Variants in DENND5A observed in about 807,000 individuals in gnomAD.
The protein encoded by DENND5A is DENN domain-containing protein 5A.
Under a neutral mutation model 140.3 loss-of-function variants are expected in DENND5A, and 64 were observed. That is an observed-to-expected ratio of 0.46 (90% CI 0.37 to 0.56). DENND5A has a LOEUF of 0.56. Among genes scored for constraint, DENND5A ranks in the 20% least tolerant of loss-of-function variants. DENND5A has a pLI of 0.00. For missense variants in DENND5A, 1,292 were observed against 1,593.8 expected, an observed-to-expected ratio of 0.81 and a Z score of 3.22; for synonymous variants, 605 against 607.7, an observed-to-expected ratio of 1.00 and a Z score of 0.07.
chr11:9,264,482 C>G (rs368307474), intron 1 of DENND5A, among the ~76,000 whole-genome samples: 2 of 152,098 alleles, frequency 1.3e-5, no homozygotes, highest in Non-Finnish European at 2.9e-5. Flanking sequence ...ACTCAGGGGG[C>G]CCAGCCCAGG....
chr11:9,142,227 C>G (rs1306111620), intron 21 of DENND5A, 119 bp from the exon 22 acceptor site: 2 of 736,320 alleles, frequency 2.7e-6, no homozygotes, highest in East Asian at 2.8e-5. Context: ...GAGAATAGCA[C>G]AAGTGTTCTG....
At chr11:9,161,914 T>C (rs1847996849) in intron 11 of DENND5A, among the ~76,000 whole-genome samples, 1 of 151,210 alleles carries the variant, frequency 6.6e-6, no homozygotes, top group Non-Finnish European at 1.5e-5. Context: ...ATACGTAATA[T>C]AGCACTCTAT....
At position 9,152,409 on chromosome 11, in the gene DENND5A, A is replaced by G; in HGVS notation, c.2470T>C (p.Tyr824His). 1 of 1,613,928 alleles carries G rather than the reference A, an allele frequency of 6.2e-7. No individual in the cohort carries two copies. Among genetic ancestry groups the G allele is most frequent in the Non-Finnish European group, 8.5e-7 (1 of 1,179,806 alleles). Residue 824 changes from tyrosine to histidine, a missense_variant, in exon 13 of 23, where the codon TAT becomes CAT. Transcript: ENST00000328194. ...AGTTTTCTCTGCCGGTTGTCCTGAT[A>G]ATGTAACAGGTGGGACCATAAGGCT... Reference protein sequence around the residue: ...KSALWSHLLHYQDNRQRKLTS... With the variant: ...KSALWSHLLHHQDNRQRKLTS...
chr11:9,221,692 C>T (rs991005773), intron 1 of DENND5A, among the ~76,000 whole-genome samples: 75 of 150,296 alleles, frequency 5.0e-4, no homozygotes, highest in Non-Finnish European at 5.0e-4. Context: ...CTAGTTATTA[C>T]AAGGAAATCA....
Position 9,207,565 on chromosome 11 carries a change from A to G in DENND5A, c.177T>C (p.Thr59=). ...TCAATTTTGTTTTGTTTTTACCTTCAGTCGTACTTGAAATGAAAGGGCTGG... is the reference window on the plus strand; with the variant it reads ...TCAATTTTGTTTTGTTTTTACCTTCGGTCGTACTTGAAATGAAAGGGCTGG... ...DGASPFISST[T]EGENFEQTPL... is the part of the protein sequence containing the mutation. Residue 59 remains threonine, a synonymous_variant, in exon 2 of 23, where the codon ACT becomes ACC. Transcript: ENST00000328194. The G allele has an allele frequency of 6.2e-7, 1 of 1,612,424 alleles. No individual in the cohort carries two copies. Among genetic ancestry groups the G allele is most frequent in the Non-Finnish European group, 8.5e-7 (1 of 1,178,654 alleles).
At chr11:9,243,386 A>C (rs896420878) in intron 1 of DENND5A, among the ~76,000 whole-genome samples, 1 of 152,182 alleles carries the variant, frequency 6.6e-6, no homozygotes, top group Non-Finnish European at 1.5e-5. Flanking sequence ...AATATTTAAC[A>C]AAGAAAGGGA....
chr11:9,178,019 G>C (rs1848601897), intron 8 of DENND5A, 113 bp downstream of exon 8: 1 of 768,044 alleles, frequency 1.3e-6, no homozygotes, highest in African/African-American at 1.7e-5. Context: ...CAGGCAATGG[G>C]AACCACATAC....
chr11:9,149,374 C>G (rs1163162041), intron 15 of DENND5A, among the ~76,000 whole-genome samples: 2 of 152,218 alleles, frequency 1.3e-5, no homozygotes, highest in Non-Finnish European at 2.9e-5. Context: ...GCAACATGCT[C>G]AGCCTTGGGA....
At chr11:9,199,368 A>G (rs984263699) in intron 4 of DENND5A, among the ~76,000 whole-genome samples, 2 of 152,076 alleles carry the variant, frequency 1.3e-5, no homozygotes, top group South Asian at 2.1e-4. Flanking sequence ...TCGGCAGTAC[A>G]TGCCTGTAGT....
intron 3 of DENND5A, 72 bp downstream of exon 3, chr11:9,206,601 C>A (rs867180927): frequency 6.3e-6 from 7 of 1,113,614 alleles, no homozygotes; most frequent in Middle Eastern, 4.0e-4. Context: ...ACTGCTACCA[C>A]AGCCTGAACT....
At chr11:9,211,643 T>C (rs976555061) in intron 1 of DENND5A, among the ~76,000 whole-genome samples, 3 of 151,720 alleles carry the variant, frequency 2.0e-5, no homozygotes, top group East Asian at 1.9e-4. Flanking sequence ...AATGAAAAAA[T>C]AGATCTCAGG....
At position 9,178,872 on chromosome 11, in the gene DENND5A, G is replaced by A. The variant is rs1554919020; in HGVS notation, c.1657C>T (p.Gln553Ter). ...ATTACACTCACTTTATCAAAGTTTTGCATTTGCTCCCTGTTGGTAAACCAG... is the reference window on the plus strand; with the variant it reads ...ATTACACTCACTTTATCAAAGTTTTACATTTGCTCCCTGTTGGTAAACCAG... The part of the protein sequence containing the change: ...ESWFTNREQM[Q>*]NFDKASFLSD... Residue 553 changes from glutamine (Q) to a stop codon, truncating the protein, a stop_gained, in exon 7 of 23, where the codon CAA becomes TAA. Transcript: ENST00000328194. LOFTEE classifies it high-confidence loss of function. 1 of 1,613,800 alleles carries A rather than the reference G, an allele frequency of 6.2e-7. No individual in the cohort carries two copies. The highest frequency in any genetic ancestry group is 8.5e-7 in the Non-Finnish European group (1 of 1,179,846).
intron 1 of DENND5A, among the ~76,000 whole-genome samples, chr11:9,231,286 C>T (rs1472750011): frequency 6.6e-6 from 1 of 152,156 alleles, no homozygotes; most frequent in African/African-American, 2.4e-5. Flanking sequence ...GAATGTATAC[C>T]ACGGCAGAGC....
chr11:9,239,044 C>A (rs1329642951), intron 1 of DENND5A, among the ~76,000 whole-genome samples: 1 of 151,382 alleles, frequency 6.6e-6, no homozygotes, highest in African/African-American at 2.4e-5. Context: ...GTTGGCCAGG[C>A]TGGTCTTGCA....
intron 1 of DENND5A, among the ~76,000 whole-genome samples, chr11:9,264,574 C>A (rs1260277192): frequency 1.3e-5 from 2 of 152,142 alleles, no homozygotes; most frequent in Non-Finnish European, 2.9e-5. Context: ...TTTTTGTTTT[C>A]CTTTTTTTTA....
At chr11:9,238,203 C>A (rs1851083195) in intron 1 of DENND5A, among the ~76,000 whole-genome samples, 1 of 151,974 alleles carries the variant, frequency 6.6e-6, no homozygotes, top group Admixed American at 6.6e-5. Flanking sequence ...GATACAGTAT[C>A]AAGAAATATT....
At chr11:9,180,663 A>G (rs1359631504) in intron 6 of DENND5A, 104 bp downstream of exon 6, 18 of 1,110,328 alleles carry the variant, frequency 1.6e-5, no homozygotes, top group Middle Eastern at 2.1e-4. Flanking sequence ...GCTCACAAAT[A>G]TGAGTTGTCC....
chr11:9,166,858 T>A (rs1299174354), intron 10 of DENND5A, among the ~76,000 whole-genome samples: 1 of 151,076 alleles, frequency 6.6e-6, no homozygotes, highest in East Asian at 1.9e-4. Context: ...AATAAAAATT[T>A]AAAAAATTAA....
intron 1 of DENND5A, among the ~76,000 whole-genome samples, chr11:9,225,303 TTC>T (rs1850484483): frequency 6.6e-6 from 1 of 152,232 alleles, no homozygotes; most frequent in Non-Finnish European, 1.5e-5. Context: ...TAGCTTAAAT[TTC>T]TCTCTTATTC....
Sources: allele counts gnomAD v4.1 joint callset (sites outside exome capture counted in the v4.1 genomes callset), GRCh38; gene constraint gnomAD v4.1.1; transcripts MANE v1.5; gene names NCBI Gene and HGNC (gene_info 2026-07-23, HGNC 2026-07-21).